The following ORC3 variants were observed in gnomAD, a reference collection of about 807,000 sequenced individuals.
ORC3 encodes origin recognition complex subunit 3.
Under a neutral mutation model 100.7 loss-of-function variants are expected in ORC3, and 78 were observed. The ratio of observed to expected loss-of-function variants is 0.77; its 90% CI spans 0.65 to 0.94. The LOEUF (loss-of-function observed/expected upper bound fraction) is 0.94. ORC3 is among the 40% of genes least tolerant of loss of function. The pLI, the probability that ORC3 is intolerant of heterozygous loss-of-function variation, is 0.00. For synonymous variants in ORC3, 295 were observed against 289.3 expected, an observed-to-expected ratio of 1.02 and a Z score of -0.20; for missense variants, 789 against 823.9, an observed-to-expected ratio of 0.96 and a Z score of 0.52.
intron 8 of ORC3, 100 bp downstream of exon 8, chr6:87,612,348 G>T (rs990489115): frequency 1.5e-6 from 1 of 670,614 alleles, no homozygotes; most frequent in East Asian, 2.9e-5. Context: ...ACAACTCTCT[G>T]AGTACTATAT....
At chr6:87,636,312 CAT>C in intron 12 of ORC3, 93 bp from the exon 13 acceptor site, 1 of 717,538 alleles carries the variant, frequency 1.4e-6, no homozygotes, top group Non-Finnish European at 2.5e-6. Flanking sequence ...CTTTTAATAA[CAT>C]TAATTTTTTT....
At chr6:87,599,886 T>G (rs1394043983) in intron 2 of ORC3, among the ~76,000 whole-genome samples, 2 of 152,112 alleles carry the variant, frequency 1.3e-5, no homozygotes, top group Non-Finnish European at 2.9e-5. Flanking sequence ...GGCAGGAGAA[T>G]CACTTGGACC....
At chr6:87,658,601 TGAGATA>T (rs1769911785) in intron 16 of ORC3, among the ~76,000 whole-genome samples, 2 of 152,198 alleles carry the variant, frequency 1.3e-5, no homozygotes, top group Admixed American at 1.3e-4. Flanking sequence ...TGGGGAGAGA[TGAGATA>T]GAAAGTGAAT....
chr6:87,614,337 G>A (rs745743056), intron 8 of ORC3, among the ~76,000 whole-genome samples: 16 of 152,180 alleles, frequency 1.1e-4, no homozygotes, highest in Non-Finnish European at 7.4e-5. Context: ...GGCCCAGCCC[G>A]TGAAATCGCT....
chr6:87,609,086 G>C lies in ORC3; in HGVS notation c.580-10G>C. The C allele has an allele frequency of 6.3e-7, 1 of 1,590,154 alleles. No individual in the cohort carries two copies. The highest frequency in any genetic ancestry group is 1.2e-5 in the South Asian group (1 of 86,496). ...ACCTTTAACTCTTTCTTTCTGCAAT[G>C]GCTTAAAAGAAGACGGACCCAAAAA... On this transcript the variant is annotated splice_polypyrimidine_tract_variant and intron_variant, in intron 6 of 19. Transcript: ENST00000392844.
rs2307365 is a variant in ORC3 at position 87,603,486 on chromosome 6, C to A, written c.280C>A (p.Gln94Lys). The A allele has an allele frequency of 2.2e-3, 3,326 of 1,527,546 alleles. 59 individuals carry two copies. In the African/African-American group the frequency reaches 0.04, roughly 18 times the overall value. The allele number at this position is 1,527,546 out of a possible 1,614,324, so 94.6% of individuals were successfully genotyped here. ...FQKNSRDLGGQIKLREIPTAA... is the reference protein window; with the variant it reads ...FQKNSRDLGGKIKLREIPTAA... ...GAAGAATTCAAGAGACTTGGGCGGT[C>A]AAATAAAACTCAGAGAAATTCCAAC... The change falls in exon 4 of 20, where the codon CAA (glutamine) becomes AAA (lysine). Residue 94 changes from glutamine (Q) to lysine (K), a missense_variant. By Grantham distance (53) the Gln-to-Lys change is moderately conservative. Transcript: ENST00000392844.
intron 13 of ORC3, among the ~76,000 whole-genome samples, chr6:87,645,594 A>C (rs1768699292): frequency 6.6e-6 from 1 of 152,088 alleles, no homozygotes; most frequent in African/African-American, 2.4e-5. Context: ...AGTATTTTTC[A>C]AAACTAGCTG....
At chr6:87,628,623 T>C (rs1272384517) in intron 11 of ORC3, among the ~76,000 whole-genome samples, 14 of 152,188 alleles carry the variant, frequency 9.2e-5, no homozygotes, top group Admixed American at 9.2e-4. Context: ...ATTTCAAAAA[T>C]GAAGAACTGC....
At chr6:87,635,173 C>A (rs542060019) in intron 12 of ORC3, among the ~76,000 whole-genome samples, 25 of 152,132 alleles carry the variant, frequency 1.6e-4, no homozygotes, top group Non-Finnish European at 3.4e-4. Flanking sequence ...CGTATGAATC[C>A]CAGTGGTGTT....
chr6:87,617,681 C>G (rs562956735), intron 9 of ORC3, among the ~76,000 whole-genome samples: 35 of 152,158 alleles, frequency 2.3e-4, no homozygotes, highest in Middle Eastern at 3.4e-3. Flanking sequence ...CTGCAGTGAG[C>G]CATAATTGTG....
At chr6:87,628,255 G>A (rs1029320082) in intron 11 of ORC3, among the ~76,000 whole-genome samples, 17 of 152,164 alleles carry the variant, frequency 1.1e-4, no homozygotes, top group African/African-American at 1.2e-4. Context: ...GTTGATAGGT[G>A]CAGCAAACTA....
the ORC3 span, among the ~76,000 whole-genome samples, chr6:87,676,873 G>A: frequency 1.3e-5 from 2 of 150,300 alleles, no homozygotes; most frequent in Admixed American, 6.6e-5. Context: ...TCAGGAGATC[G>A]AGACCATCCT....
intron 2 of ORC3, among the ~76,000 whole-genome samples, chr6:87,597,926 C>T (rs566399718): frequency 2.0e-5 from 3 of 152,186 alleles, no homozygotes; most frequent in Admixed American, 6.6e-5. Flanking sequence ...ACTTGTTCCC[C>T]CATTATCATT....
intron 11 of ORC3, among the ~76,000 whole-genome samples, chr6:87,631,449 T>G (rs1008944576): frequency 6.6e-6 from 1 of 152,164 alleles, no homozygotes; most frequent in Non-Finnish European, 1.5e-5. Flanking sequence ...TTCAACAGGC[T>G]TTATTTTCAC....
At chr6:87,640,824 G>T (rs1221691086) in intron 13 of ORC3, among the ~76,000 whole-genome samples, 1 of 152,166 alleles carries the variant, frequency 6.6e-6, no homozygotes, top group Non-Finnish European at 1.5e-5. Flanking sequence ...AGGCAGCTGG[G>T]TGTGGTGGCT....
At chr6:87,667,529 A>C (rs546604404), downstream of ORC3, 33 of 156,718 alleles carry the variant, frequency 2.1e-4, no homozygotes, top group Admixed American at 5.2e-4. Flanking sequence ...TTAGTGTAGT[A>C]GGCAGTAAGT....
the ORC3 span, among the ~76,000 whole-genome samples, chr6:87,673,652 C>T: frequency 3.0e-3 from 456 of 152,026 alleles, 4 homozygotes; most frequent in East Asian, 0.014. Flanking sequence ...ACCATCCTGG[C>T]CAACATGGTG....
chr6:87,677,713 G>A, the ORC3 span: 1 of 1,333,004 alleles, frequency 7.5e-7, no homozygotes, highest in African/African-American at 1.5e-5. Flanking sequence ...CTCATTCTCA[G>A]AGAATATACC....
At chr6:87,602,914 A>ATATATATTATATATATTATATATAT (rs56203841) in intron 3 of ORC3, among the ~76,000 whole-genome samples, 1 of 72,034 alleles carries the variant, frequency 1.4e-5, no homozygotes, top group African/African-American at 5.3e-5. Context: ...ATTATATATT[A>ATATATATTATATATATTATATATAT]TATATATATA....
Sources: gnomAD v4.1 joint callset for allele counts (sites outside exome capture counted in the v4.1 genomes callset) on GRCh38, gnomAD v4.1.1 for gene constraint, MANE v1.5 for transcripts, NCBI Gene and HGNC (gene_info 2026-07-23, HGNC 2026-07-21) for gene names.